ATP13A4: variants seen among roughly 807,000 people sequenced by gnomAD.
ATP13A4 encodes ATPase 13A4.
In ATP13A4, 114 loss-of-function variants were observed where a neutral mutation model predicts 142.5. The observed-to-expected ratio is 0.80, with a 90% CI of 0.69 to 0.93. ATP13A4 has a LOEUF of 0.93. Ranked by LOEUF, ATP13A4 falls within the 40% of genes least tolerant of loss-of-function variation. The pLI is 0.00. For synonymous variants in ATP13A4, 488 were observed against 514.8 expected (o/e 0.95, Z 0.70); for missense variants, 1,392 against 1,454.0 (o/e 0.96, Z 0.69).
At chr3:193,506,793 G>A (rs913598630) in intron 2 of ATP13A4, among the ~76,000 whole-genome samples, 3 of 152,054 alleles carry the variant, frequency 2.0e-5, no homozygotes, top group African/African-American at 4.8e-5. Context: ...ACTTCTCCTC[G>A]CTGCCAGCAT....
intron 2 of ATP13A4, among the ~76,000 whole-genome samples, chr3:193,510,232 C>T (rs1721073014): frequency 6.6e-6 from 1 of 152,174 alleles, no homozygotes; most frequent in Admixed American, 6.5e-5. Context: ...ATGACATTCG[C>T]GTGGCTGATT....
chr3:193,559,536 C>T (rs1014862622), upstream of ATP13A4, among the ~76,000 whole-genome samples: 5 of 152,162 alleles, frequency 3.3e-5, no homozygotes, highest in Admixed American at 6.5e-5. Context: ...AGAGGAATTA[C>T]CTGCCTCAAG....
At chr3:193,501,014 G>A (rs1453407283) in intron 3 of ATP13A4, among the ~76,000 whole-genome samples, 3 of 152,156 alleles carry the variant, frequency 2.0e-5, no homozygotes, top group African/African-American at 7.2e-5. Context: ...TGCCTATGCC[G>A]TAGCTGGTAA....
intron 1 of ATP13A4, chr3:193,554,374 C>T (rs184611439): frequency 5.9e-6 from 2 of 337,584 alleles, no homozygotes; most frequent in African/African-American, 2.1e-5. Flanking sequence ...TACACTGCTC[C>T]TCACATTAGG....
Position 193,407,304 on chromosome 3 carries a change from C to T in ATP13A4, c.3378+9G>A, listed in dbSNP as rs752628054. 5 of 1,606,016 alleles carry T rather than the reference C, an allele frequency of 3.1e-6. No homozygotes were observed. In the African/African-American group the frequency reaches 4.0e-5, roughly 13 times the overall value. On this transcript the variant is annotated intron_variant, in intron 29 of 29. Transcript: ENST00000342695. Reference sequence around the variant, plus strand: ...CACAAGATCAGCAGCCCAAGATCAGCACACTTACCTCGGCCACAAGGGACA... The same window carrying T: ...CACAAGATCAGCAGCCCAAGATCAGTACACTTACCTCGGCCACAAGGGACA...
intron 25 of ATP13A4, among the ~76,000 whole-genome samples, chr3:193,425,388 A>G (rs532471247): frequency 3.2e-4 from 49 of 151,794 alleles, no homozygotes; most frequent in Non-Finnish European, 6.4e-4. Context: ...TAACATCAGT[A>G]TGTCAAAGAA....
rs183318041 is a variant in ATP13A4, at chr3:193,485,613, T to G, written c.739-1608A>C. On this transcript the variant is annotated intron_variant, in intron 7 of 29. Transcript: ENST00000342695. ...ATCAAAGTATTAAAATCAATTGACATAGAAATTTTTTAAAAGACTGCCACA... is the reference window on the plus strand; with the variant it reads ...ATCAAAGTATTAAAATCAATTGACAGAGAAATTTTTTAAAAGACTGCCACA... Among the ~76,000 whole-genome samples, 120 of 152,224 alleles carry G rather than the reference T, an allele frequency of 7.9e-4. No homozygotes were observed. In the Middle Eastern group the frequency reaches 0.01, roughly 13 times the overall value.
Position 193,399,598 on chromosome 3 carries a change from C to T in ATP13A4, c.*3054G>A, listed in dbSNP as rs1038820225. ...ATCTGGTGGCTCATGTCTGTAATCC[C>T]GGCACTTTGGGAGGCCGAGGCGGGC... On this transcript the variant is annotated 3_prime_UTR_variant, in exon 30 of 30. Coordinates refer to ENST00000342695, the MANE Select transcript of ATP13A4 (RefSeq NM_032279.4). Among the ~76,000 whole-genome samples, 1 of 152,128 alleles carries T rather than the reference C, an allele frequency of 6.6e-6. No homozygotes were observed.
chr3:193,519,626 ATTTTTTTTTTTTTT>A (rs147173408), intron 1 of ATP13A4, among the ~76,000 whole-genome samples: 6 of 69,010 alleles, frequency 8.7e-5, no homozygotes, highest in Admixed American at 4.0e-4. Flanking sequence ...GCAATTTGTA[ATTTTTTTTTTTTTT>A]TTTTTTTTTT....
intron 1 of ATP13A4, among the ~76,000 whole-genome samples, chr3:193,535,056 G>A (rs561364877): frequency 6.6e-6 from 1 of 152,288 alleles, no homozygotes; most frequent in South Asian, 2.1e-4. Context: ...TGGGATTACA[G>A]GCATGAGCCA....
chr3:193,462,869 G>C (rs1718035003), intron 12 of ATP13A4, 46 bp from the exon 13 acceptor site: 3 of 1,591,320 alleles, frequency 1.9e-6, no homozygotes, highest in South Asian at 1.1e-5. Flanking sequence ...TCCAGGCAAG[G>C]AGCGGTGGCT....
intron 27 of ATP13A4, among the ~76,000 whole-genome samples, chr3:193,411,668 T>C (rs1424451772): frequency 6.6e-6 from 1 of 152,174 alleles, no homozygotes; most frequent in Non-Finnish European, 1.5e-5. Flanking sequence ...CAAACATACC[T>C]TCCTACTCCA....
chr3:193,522,475 G>T (rs1237319163), intron 1 of ATP13A4, among the ~76,000 whole-genome samples: 1 of 152,162 alleles, frequency 6.6e-6, no homozygotes, highest in Non-Finnish European at 1.5e-5. Context: ...TAACGTTTGG[G>T]GAGGTTAAGA....
chr3:193,530,062 C>T (rs1560261078), intron 1 of ATP13A4, among the ~76,000 whole-genome samples: 2 of 152,074 alleles, frequency 1.3e-5, no homozygotes, highest in Non-Finnish European at 2.9e-5. Context: ...ATACCTTTCC[C>T]TTCTCTCATT....
At chr3:193,531,949 T>C (rs1331245698) in intron 1 of ATP13A4, among the ~76,000 whole-genome samples, 1 of 152,122 alleles carries the variant, frequency 6.6e-6, no homozygotes, top group Non-Finnish European at 1.5e-5. Flanking sequence ...TATGAGAAAA[T>C]AATTCCTTGC....
In ATP13A4 at chr3:193,501,738, T is replaced by C. The variant is rs150274608; in HGVS notation, c.381+755A>G. On this transcript the variant is annotated intron_variant, in intron 3 of 29. Transcript: ENST00000342695. ...CATACATAAATGTAAGACAAAACAT[T>C]CTGTCTTATAAAATGTTTTTAATAT... 3.3e-3 allele frequency among the ~76,000 whole-genome samples: 501 copies of C among 152,182 alleles called. 3 individuals are homozygous for C. Among genetic ancestry groups the C allele is most frequent in the African/African-American group, 0.012 (482 of 41,520 alleles).
At chr3:193,414,810 A>C (rs142814967) in intron 25 of ATP13A4, 60 bp from the exon 26 acceptor site, 1 of 1,535,406 alleles carries the variant, frequency 6.5e-7, no homozygotes, top group East Asian at 2.3e-5. Context: ...CTTGATCAGA[A>C]GAATGGCATA....
At position 193,401,935 on chromosome 3, in the gene ATP13A4, T is replaced by A. The variant is rs917513556; in HGVS notation, c.*717A>T. The A allele has an allele frequency of 6.6e-6, 1 of 152,314 alleles. No individual in the cohort carries two copies. Among genetic ancestry groups the A allele is most frequent in the African/African-American group, 2.4e-5 (1 of 41,426 alleles). The allele number at this position is 152,314 out of a possible 1,614,324, so 9.4% of individuals were successfully genotyped here. A position where few individuals can be genotyped will look rare whatever the true frequency, so the allele number is the denominator to read the frequency against. Reference sequence around the variant, plus strand: ...GAGCCCACACGTGATCTCCAGTCTATTCCTTCCCCCATCACAGTCAACACA... The same window carrying A: ...GAGCCCACACGTGATCTCCAGTCTAATCCTTCCCCCATCACAGTCAACACA... On this transcript the variant is annotated 3_prime_UTR_variant, in exon 30 of 30. Transcript: ENST00000342695.
At position 193,399,845 on chromosome 3, in the gene ATP13A4, CAAAA is replaced by C. The variant is rs71177402; in HGVS notation, c.*2803_*2806del. 6.9e-5 allele frequency among the ~76,000 whole-genome samples: 5 copies of C among 72,706 alleles called. No individual in the cohort carries two copies. The highest frequency in any genetic ancestry group is 5.8e-5 in the African/African-American group (1 of 17,346). The allele number at this position is 72,706 out of a possible 152,430, so 47.7% of individuals were successfully genotyped here. On this transcript the variant is annotated 3_prime_UTR_variant, in exon 30 of 30. Coordinates refer to ENST00000342695, the MANE Select transcript of ATP13A4 (RefSeq NM_032279.4). ...TGGGCAACAGAGTGAGACTCCATCT[CAAAA>C]AAAAAAAAAAAAAAAAAAGGTTCAC...
Sources: gnomAD v4.1 joint callset for allele counts (sites outside exome capture counted in the v4.1 genomes callset) on GRCh38, gnomAD v4.1.1 for gene constraint, MANE v1.5 for transcripts, NCBI Gene and HGNC (gene_info 2026-07-23, HGNC 2026-07-21) for gene names.